Variants in BTBD10 observed in about 807,000 individuals in gnomAD.
The protein encoded by BTBD10 is BTB domain containing 10, also known as BTB/POZ domain-containing protein 10.
Under a neutral mutation model 53.2 loss-of-function variants are expected in BTBD10, and 21 were observed. The ratio of observed to expected loss-of-function variants is 0.39; its 90% CI spans 0.28 to 0.57. BTBD10 has a LOEUF of 0.57. Among genes scored for constraint, BTBD10 ranks in the 20% least tolerant of loss-of-function variants. The pLI is 0.53. For missense variants in BTBD10, 360 were observed against 594.7 expected, an observed-to-expected ratio of 0.61 and a Z score of 4.10; for synonymous variants, 149 against 192.7, an observed-to-expected ratio of 0.77 and a Z score of 1.88.
chr11:13,456,854 A>G (rs1033388762), intron 1 of BTBD10, among the ~76,000 whole-genome samples: 2 of 152,170 alleles, frequency 1.3e-5, no homozygotes, highest in Non-Finnish European at 1.5e-5. Flanking sequence ...ACTGGCATAC[A>G]CTGCCAATGA....
At chr11:13,444,158 A>G (rs2134030004) in intron 2 of BTBD10, among the ~76,000 whole-genome samples, 1 of 152,270 alleles carries the variant, frequency 6.6e-6, no homozygotes, top group Non-Finnish European at 1.5e-5. Context: ...TTTTCTAGCT[A>G]TAGTATATAA....
chr11:13,458,518 T>C (rs1453791113), intron 1 of BTBD10, among the ~76,000 whole-genome samples: 1 of 152,240 alleles, frequency 6.6e-6, no homozygotes, highest in Non-Finnish European at 1.5e-5. Flanking sequence ...AGGAAACTTG[T>C]GGATTTGTAT....
At chr11:13,446,546 G>A (rs1344391119) in intron 1 of BTBD10, among the ~76,000 whole-genome samples, 1 of 152,106 alleles carries the variant, frequency 6.6e-6, no homozygotes, top group Non-Finnish European at 1.5e-5. Flanking sequence ...GTAGATCCAT[G>A]AGTGAAATAA....
intron 1 of BTBD10, among the ~76,000 whole-genome samples, chr11:13,449,403 C>G (rs540608132): frequency 9.9e-4 from 150 of 151,972 alleles, no homozygotes; most frequent in Non-Finnish European, 1.7e-3. Flanking sequence ...GATTAAAACC[C>G]CAGTCTAACA....
intron 2 of BTBD10, among the ~76,000 whole-genome samples, chr11:13,425,754 A>T (rs934811457): frequency 6.6e-6 from 1 of 152,176 alleles, no homozygotes; most frequent in African/African-American, 2.4e-5. Context: ...TTTTTAAAAA[A>T]TGATAAATGT....
chr11:13,437,265 T>C (rs1690081385), intron 2 of BTBD10, among the ~76,000 whole-genome samples: 1 of 152,212 alleles, frequency 6.6e-6, no homozygotes, highest in African/African-American at 2.4e-5. Context: ...TGGGAAGCCA[T>C]ATGATACTTT....
At chr11:13,402,363 T>C (rs1341560634) in intron 8 of BTBD10, among the ~76,000 whole-genome samples, 1 of 152,214 alleles carries the variant, frequency 6.6e-6, no homozygotes, top group African/African-American at 2.4e-5. Context: ...GTTTTTCATA[T>C]ATTAATTCAT....
intron 8 of BTBD10, among the ~76,000 whole-genome samples, chr11:13,398,168 T>C (rs967318617): frequency 4.6e-5 from 7 of 152,210 alleles, no homozygotes; most frequent in Non-Finnish European, 7.3e-5. Flanking sequence ...TATTATTGTG[T>C]GGGAGTCTAA....
At chr11:13,439,589 C>A (rs965915738) in intron 2 of BTBD10, among the ~76,000 whole-genome samples, 3 of 151,948 alleles carry the variant, frequency 2.0e-5, no homozygotes, top group South Asian at 4.1e-4. Flanking sequence ...AAATTACTCT[C>A]TCCTTAAATA....
chr11:13,407,054 G>A (rs576157991), intron 6 of BTBD10, among the ~76,000 whole-genome samples: 48 of 151,848 alleles, frequency 3.2e-4, no homozygotes, highest in Non-Finnish European at 5.6e-4. Context: ...CCATCTTTTG[G>A]TCCTGATCTT....
chr11:13,415,676 C>T (rs1044117485), intron 5 of BTBD10, among the ~76,000 whole-genome samples: 12 of 151,950 alleles, frequency 7.9e-5, no homozygotes, highest in African/African-American at 2.7e-4. Flanking sequence ...TAGAATGTTA[C>T]GTAGTTTGTA....
intron 1 of BTBD10, among the ~76,000 whole-genome samples, chr11:13,445,721 T>C (rs1460746012): frequency 6.6e-6 from 1 of 152,224 alleles, no homozygotes; most frequent in African/African-American, 2.4e-5. Flanking sequence ...GATGTTTCCT[T>C]ATAGTGCAAT....
At position 13,425,659 on chromosome 11, in the gene BTBD10, T is replaced by C. The variant is rs182138826; in HGVS notation, c.102-3821A>G. Among the ~76,000 whole-genome samples, 80 of 152,244 alleles carry C rather than the reference T, an allele frequency of 5.3e-4. No individual in the cohort carries two copies. In the East Asian group the frequency reaches 0.01, roughly 19 times the overall value. On this transcript the variant is annotated intron_variant, in intron 2 of 8. Transcript: ENST00000278174. ...CATGTGAGATGAAAAGTATACTAAA[T>C]GGCCCTTTAAAATGACTATAGTTAA...
At chr11:13,420,652 T>G (rs1950225772) in intron 3 of BTBD10, among the ~76,000 whole-genome samples, 1 of 152,168 alleles carries the variant, frequency 6.6e-6, no homozygotes, top group Admixed American at 6.5e-5. Context: ...TCAAACTACT[T>G]AGAACACTCT....
chr11:13,449,785 C>T (rs1446827393), intron 1 of BTBD10, among the ~76,000 whole-genome samples: 1 of 152,202 alleles, frequency 6.6e-6, no homozygotes, highest in African/African-American at 2.4e-5. Context: ...AGAGAAAACA[C>T]TAAGGGCTGG....
At chr11:13,422,300 C>A (rs1950258709) in intron 2 of BTBD10, among the ~76,000 whole-genome samples, 1 of 152,314 alleles carries the variant, frequency 6.6e-6, no homozygotes, top group Admixed American at 6.5e-5. Context: ...AATCAACCAA[C>A]TTTCAGTTGA....
At chr11:13,448,921 T>C (rs1198650676) in intron 1 of BTBD10, among the ~76,000 whole-genome samples, 2 of 152,174 alleles carry the variant, frequency 1.3e-5, no homozygotes, top group African/African-American at 4.8e-5. Context: ...CTGGAAAATA[T>C]GTCACTATTC....
intron 6 of BTBD10, among the ~76,000 whole-genome samples, chr11:13,411,309 A>C (rs538665759): frequency 6.6e-6 from 1 of 152,318 alleles, no homozygotes; most frequent in South Asian, 2.1e-4. Context: ...TTTCTTCTTA[A>C]ATTAAGATAT....
At position 13,388,624 on chromosome 11, in the gene BTBD10, C is replaced by T. The variant is rs374929380; in HGVS notation, c.*207G>A. 1 of 499,422 alleles carries T rather than the reference C, an allele frequency of 2.0e-6. No individual in the cohort carries two copies. Among genetic ancestry groups the T allele is most frequent in the Non-Finnish European group, 3.5e-6 (1 of 287,724 alleles). The allele number at this position is 499,422 out of a possible 1,614,324, so 30.9% of individuals were successfully genotyped here. A position where few individuals can be genotyped will look rare whatever the true frequency, so the allele number is the denominator to read the frequency against. On this transcript the variant is annotated 3_prime_UTR_variant, in exon 9 of 9. Coordinates refer to ENST00000278174, the MANE Select transcript of BTBD10 (RefSeq NM_032320.7). Reference sequence around the variant, plus strand: ...ACCTACTGGTAAACAAATACATTTACAACTGGAACTTCAAAATGCTAGAGT... The same window carrying T: ...ACCTACTGGTAAACAAATACATTTATAACTGGAACTTCAAAATGCTAGAGT...
Sources: allele counts gnomAD v4.1 joint callset (sites outside exome capture counted in the v4.1 genomes callset), GRCh38; gene constraint gnomAD v4.1.1; transcripts MANE v1.5; gene names NCBI Gene and HGNC (gene_info 2026-07-23, HGNC 2026-07-21).